Variants in RCAN2 observed in about 807,000 individuals in gnomAD.
The protein encoded by RCAN2 is calcipressin-2.
RCAN2 carries 9 observed loss-of-function variants against 23.6 expected under a neutral mutation model. That is an observed-to-expected ratio of 0.38 (90% CI 0.23 to 0.67). The LOEUF is 0.67. Ranked by LOEUF, RCAN2 falls within the 30% of genes least tolerant of loss-of-function variation. The pLI, the probability that RCAN2 is intolerant of heterozygous loss-of-function variation, is 0.51. For missense variants in RCAN2, 273 were observed against 302.3 expected, an observed-to-expected ratio of 0.90 and a Z score of 0.72; for synonymous variants, 109 against 115.7, an observed-to-expected ratio of 0.94 and a Z score of 0.37.
At chr6:46,298,132 A>G (rs917467028) in intron 2 of RCAN2, among the ~76,000 whole-genome samples, 2 of 152,132 alleles carry the variant, frequency 1.3e-5, no homozygotes, top group African/African-American at 4.8e-5. Flanking sequence ...CCTAACATTA[A>G]TACTGTGGTT....
At chr6:46,286,573 C>G (rs955608616) in intron 2 of RCAN2, among the ~76,000 whole-genome samples, 2 of 152,126 alleles carry the variant, frequency 1.3e-5, no homozygotes, top group African/African-American at 4.8e-5. Flanking sequence ...TAAAGATGGA[C>G]TATCCAGGCT....
intron 2 of RCAN2, among the ~76,000 whole-genome samples, chr6:46,428,080 G>T (rs1396870275): frequency 6.6e-6 from 1 of 152,194 alleles, no homozygotes; most frequent in African/African-American, 2.4e-5. Context: ...GCTACAGGAT[G>T]AATCTGTTAG....
chr6:46,453,563 C>G (rs1390991843), intron 2 of RCAN2, among the ~76,000 whole-genome samples: 1 of 152,186 alleles, frequency 6.6e-6, no homozygotes, highest in South Asian at 2.1e-4. Context: ...ATGAGCATAT[C>G]AGAATATTTA....
chr6:46,250,746 T>C (rs1303325618), intron 2 of RCAN2, among the ~76,000 whole-genome samples: 1 of 152,220 alleles, frequency 6.6e-6, no homozygotes, highest in African/African-American at 2.4e-5. Context: ...AGAGCATTTA[T>C]ATTTAATTAG....
rs558717947 is a variant in RCAN2, at chr6:46,235,662, T to C, written c.571+11086A>G. Among the ~76,000 whole-genome samples the C allele has an allele frequency of 2.3e-3, 354 of 152,312 alleles. 3 individuals are homozygous for C. The highest frequency in any genetic ancestry group is 7.8e-3 in the African/African-American group (326 of 41,574). On this transcript the variant is annotated intron_variant, in intron 4 of 4. Transcript: ENST00000371374. Reference sequence around the variant, plus strand: ...TTCCAGCCTTCTAGGTGCAAATCCTTAGAGTCAGTCATCCTTGAATTTTCT... The same window carrying C: ...TTCCAGCCTTCTAGGTGCAAATCCTCAGAGTCAGTCATCCTTGAATTTTCT...
At chr6:46,314,182 C>T (rs1419451285) in intron 2 of RCAN2, among the ~76,000 whole-genome samples, 1 of 151,670 alleles carries the variant, frequency 6.6e-6, no homozygotes, top group African/African-American at 2.4e-5. Context: ...GCCAACATGG[C>T]AAAGTCCCAT....
At chr6:46,337,831 T>C (rs534591922) in intron 2 of RCAN2, among the ~76,000 whole-genome samples, 1 of 152,292 alleles carries the variant, frequency 6.6e-6, no homozygotes, top group African/African-American at 2.4e-5. Flanking sequence ...TTTATTTTAT[T>C]CCACAACAGG....
intron 2 of RCAN2, among the ~76,000 whole-genome samples, chr6:46,371,055 G>A (rs1765307197): frequency 1.3e-5 from 2 of 152,164 alleles, no homozygotes; most frequent in Non-Finnish European, 2.9e-5. Context: ...CACTGACATT[G>A]TATAGTATGT....
chr6:46,289,348 T>G (rs1307877799), intron 2 of RCAN2, among the ~76,000 whole-genome samples: 1 of 152,220 alleles, frequency 6.6e-6, no homozygotes, highest in Non-Finnish European at 1.5e-5. Flanking sequence ...GTGAGAATCT[T>G]AAGTTGTTAA....
chr6:46,265,752 G>A (rs529389082), intron 2 of RCAN2, among the ~76,000 whole-genome samples: 85 of 152,208 alleles, frequency 5.6e-4, no homozygotes, highest in African/African-American at 2.0e-3. Flanking sequence ...TCTACCAAGG[G>A]CTGCTTATTT....
intron 4 of RCAN2, among the ~76,000 whole-genome samples, chr6:46,238,546 C>A (rs1766188001): frequency 6.6e-6 from 1 of 152,080 alleles, no homozygotes; most frequent in Non-Finnish European, 1.5e-5. Context: ...TTAACACAGG[C>A]ATTTAAATTA....
rs534288429 is a variant in RCAN2 at position 46,317,653 on chromosome 6, G to A, written c.226-68757C>T. On this transcript the variant is annotated intron_variant, in intron 2 of 4. Coordinates refer to ENST00000371374, the MANE Select transcript of RCAN2 (RefSeq NM_001251974.2). ...ATTTTTTTTTGTATTTTTTAGTAGA[G>A]ACGGGGTTTCACCGTGTTAGCCAGG... Among the ~76,000 whole-genome samples, 36 of 152,098 alleles carry A rather than the reference G, an allele frequency of 2.4e-4. No individual in the cohort carries two copies. The South Asian group carries it at 7.5e-3, about 32-fold the overall frequency.
At chr6:46,386,557 G>A (rs565267658) in intron 2 of RCAN2, among the ~76,000 whole-genome samples, 3 of 140,494 alleles carry the variant, frequency 2.1e-5, no homozygotes, top group Non-Finnish European at 3.0e-5. Flanking sequence ...GCAGTGAGCC[G>A]AGATCGCGCC....
chr6:46,391,196 C>G (rs979834330), intron 2 of RCAN2, among the ~76,000 whole-genome samples: 5 of 152,170 alleles, frequency 3.3e-5, no homozygotes, highest in African/African-American at 1.2e-4. Context: ...GTTCATGCAG[C>G]TGAGATCATG....
intron 2 of RCAN2, among the ~76,000 whole-genome samples, chr6:46,367,585 G>C (rs772822548): frequency 2.6e-5 from 4 of 152,176 alleles, no homozygotes; most frequent in Non-Finnish European, 5.9e-5. Flanking sequence ...TCAAGATGGA[G>C]AGTCATTCTT....
At chr6:46,243,809 C>A (rs80107314) in intron 4 of RCAN2, among the ~76,000 whole-genome samples, 621 of 54,854 alleles carry the variant, frequency 0.011, 1 homozygote, top group South Asian at 0.021. Context: ...GATTCTGTCT[C>A]AAAAAAAAAA....
At chr6:46,272,881 T>C (rs1767564878) in intron 2 of RCAN2, among the ~76,000 whole-genome samples, 1 of 152,222 alleles carries the variant, frequency 6.6e-6, no homozygotes, top group Non-Finnish European at 1.5e-5. Flanking sequence ...GTTTGTCTTT[T>C]GCAAGTTTTA....
intron 2 of RCAN2, among the ~76,000 whole-genome samples, chr6:46,396,620 C>A (rs144832469): frequency 2.6e-5 from 4 of 152,102 alleles, no homozygotes; most frequent in Non-Finnish European, 4.4e-5. Context: ...TAATTTGCAG[C>A]TGGTGTCTAT....
chr6:46,333,217 A>G lies in RCAN2; in HGVS notation c.226-84321T>C, dbSNP rs187101241. 2.0e-3 allele frequency among the ~76,000 whole-genome samples: 310 copies of G among 152,286 alleles called. 3 individuals carry two copies. The highest frequency in any genetic ancestry group is 7.3e-3 in the African/African-American group (305 of 41,560). On this transcript the variant is annotated intron_variant, in intron 2 of 4. Coordinates refer to ENST00000371374, the MANE Select transcript of RCAN2 (RefSeq NM_001251974.2). ...AGATTCTGGATATTAGCCCTTTGTC[A>G]GATGAGTAACAAGTATATGTGTATA...
Sources: gnomAD v4.1 joint callset for allele counts (sites outside exome capture counted in the v4.1 genomes callset) on GRCh38, gnomAD v4.1.1 for gene constraint, MANE v1.5 for transcripts, NCBI Gene and HGNC (gene_info 2026-07-23, HGNC 2026-07-21) for gene names.